The following ABLIM2 variants were observed in gnomAD, a reference collection of about 807,000 sequenced individuals.
The protein encoded by ABLIM2 is actin-binding LIM protein 2.
ABLIM2 carries 53 observed loss-of-function variants against 97.7 expected under a neutral mutation model. The observed-to-expected ratio is 0.54, with a 90% CI of 0.44 to 0.68. ABLIM2 has a LOEUF of 0.68. Ranked by LOEUF, ABLIM2 falls within the 30% of genes least tolerant of loss-of-function variation. The probability of loss-of-function intolerance (pLI) is 0.00; values close to 1 mark genes in which losing one functional copy is unlikely to be tolerated. For synonymous variants in ABLIM2, 361 were observed against 345.8 expected, an observed-to-expected ratio of 1.04 and a Z score of -0.49; for missense variants, 835 against 867.2, an observed-to-expected ratio of 0.96 and a Z score of 0.47.
chr4:8,035,044 TGGGTG>T (rs1016571351), intron 10 of ABLIM2, among the ~76,000 whole-genome samples: 4 of 107,762 alleles, frequency 3.7e-5, no homozygotes, highest in African/African-American at 1.4e-4. Flanking sequence ...AGGTGGGTGA[TGGGTG>T]GTAGGTAGGT....
At position 8,015,211 on chromosome 4, in the gene ABLIM2, G is replaced by A. The variant is rs552763204; in HGVS notation, c.1423+4407C>T. On this transcript the variant is annotated intron_variant, in intron 14 of 20. Transcript: ENST00000447017. The surrounding 1 kb of genome is among the most constrained non-coding windows in gnomAD (Gnocchi z 4.6). ...GCTGGGATTACAGGTGTGAGCCACC[G>A]TGCCCGGCTTGTCTTCCACCTTTCT... Among the ~76,000 whole-genome samples, 14 of 152,194 alleles carry A rather than the reference G, an allele frequency of 9.2e-5. No individual in the cohort carries two copies. The highest frequency in any genetic ancestry group is 2.2e-4 in the African/African-American group (9 of 41,532).
chr4:8,066,149 AC>A (rs1580323036), intron 6 of ABLIM2, among the ~76,000 whole-genome samples: 2 of 148,982 alleles, frequency 1.3e-5, no homozygotes, highest in African/African-American at 5.0e-5. Flanking sequence ...AAAAAAAATT[AC>A]AAAAAATTAG....
chr4:8,134,312 TGGTGCTGCGTCTCCCTGTTGGGA>T (rs1211961971), intron 1 of ABLIM2, among the ~76,000 whole-genome samples: 1 of 152,108 alleles, frequency 6.6e-6, no homozygotes, highest in Non-Finnish European at 1.5e-5. Flanking sequence ...TCGGAGGGGA[TGGTGCTGCGTCTCCCTGTTGGGA>T]GGTGCCGCTC....
At chr4:8,055,576 G>C (rs1029177626) in intron 7 of ABLIM2, among the ~76,000 whole-genome samples, 3 of 152,234 alleles carry the variant, frequency 2.0e-5, no homozygotes, top group African/African-American at 7.2e-5. Flanking sequence ...TGGCTGACTT[G>C]TGTATCCCAC....
At chr4:8,089,148 T>TGCCTGGAGC (rs1825682554) in intron 3 of ABLIM2, among the ~76,000 whole-genome samples, 1 of 152,004 alleles carries the variant, frequency 6.6e-6, no homozygotes, top group African/African-American at 2.4e-5. Context: ...GTGCCTGGAG[T>TGCCTGGAGC]GAGGCCAGGT....
At chr4:8,106,930 C>T (rs1837741555) in intron 1 of ABLIM2, among the ~76,000 whole-genome samples, 1 of 152,226 alleles carries the variant, frequency 6.6e-6, no homozygotes, top group Non-Finnish European at 1.5e-5. Context: ...TTCTCATCCA[C>T]ATGCACAACT....
At chr4:8,139,242 G>A (rs975596056) in intron 1 of ABLIM2, among the ~76,000 whole-genome samples, 1 of 149,804 alleles carries the variant, frequency 6.7e-6, no homozygotes, top group Non-Finnish European at 1.5e-5. Flanking sequence ...GGAAGGGAGG[G>A]GAGGGGAGGG....
At chr4:8,012,144 C>A (rs1193572936) in intron 14 of ABLIM2, among the ~76,000 whole-genome samples, 1 of 150,460 alleles carries the variant, frequency 6.6e-6, no homozygotes, top group East Asian at 2.0e-4. Context: ...CATCCATCCA[C>A]CCACCCACTC....
At chr4:8,094,144 A>G (rs1358210604) in intron 3 of ABLIM2, among the ~76,000 whole-genome samples, 3 of 152,212 alleles carry the variant, frequency 2.0e-5, no homozygotes, top group Non-Finnish European at 2.9e-5. Context: ...CGGCCATTGT[A>G]TTTTTCATTT....
chr4:8,077,516 G>T, intron 6 of ABLIM2, 112 bp downstream of exon 6: 2 of 1,077,614 alleles, frequency 1.9e-6, no homozygotes, highest in Non-Finnish European at 2.7e-6. Flanking sequence ...GGGAGGTGAA[G>T]CTGCAGCCAG....
Position 7,975,411 on chromosome 4 carries a change from T to C in ABLIM2, c.1824+7853A>G, listed in dbSNP as rs546902902. Among the ~76,000 whole-genome samples the C allele has an allele frequency of 2.0e-5, 3 of 152,288 alleles. No individual in the cohort carries two copies. In the East Asian group the frequency reaches 5.8e-4, roughly 29 times the overall value. On this transcript the variant is annotated intron_variant, in intron 20 of 20. Coordinates refer to ENST00000447017, the MANE Select transcript of ABLIM2 (RefSeq NM_001130083.2). ...ACAGCCCTCCCAGAGTGGAAGAGGA[T>C]GATCACAGCTTCTCCACACTCCTGC... is the stretch of plus-strand genomic sequence containing the variant.
chr4:8,057,839 T>C (rs1043578423), intron 7 of ABLIM2, among the ~76,000 whole-genome samples: 3 of 152,150 alleles, frequency 2.0e-5, no homozygotes, highest in East Asian at 1.9e-4. Context: ...GCCAGCCAAA[T>C]AACATCTGCA....
At position 7,984,876 on chromosome 4, in the gene ABLIM2, G is replaced by A. The variant is rs1214571957; in HGVS notation, c.1698C>T (p.Pro566=). 6.2e-7 allele frequency: 1 copy of A among 1,608,762 alleles called. No homozygotes were observed. The highest frequency in any genetic ancestry group is 8.5e-7 in the Non-Finnish European group (1 of 1,177,852). Residue 566 remains proline, a synonymous_variant, in exon 18 of 21, where the codon CCC becomes CCT. Coordinates refer to ENST00000447017, the MANE Select transcript of ABLIM2 (RefSeq NM_001130083.2). ...GLDQRNANLA[P]CGADPDASWG... Reference sequence around the variant, plus strand: ...AGCTGGCATCCGGGTCTGCTCCACAGGGGGCCAGATTGGCATTCTGGAAGA... The same window carrying A: ...AGCTGGCATCCGGGTCTGCTCCACAAGGGGCCAGATTGGCATTCTGGAAGA...
At chr4:8,151,379 C>T (rs544085162) in intron 1 of ABLIM2, among the ~76,000 whole-genome samples, 1 of 152,300 alleles carries the variant, frequency 6.6e-6, no homozygotes, top group South Asian at 2.1e-4. Context: ...AATCCAAAGC[C>T]CCCTCCTCCG....
chr4:8,028,079 C>T (rs1384758712), intron 11 of ABLIM2, among the ~76,000 whole-genome samples: 2 of 152,270 alleles, frequency 1.3e-5, no homozygotes, highest in Non-Finnish European at 2.9e-5. Context: ...CAGGGTGCTG[C>T]ATAGGAGCCT....
rs1421433626 is a variant in ABLIM2 at position 8,130,587 on chromosome 4, A to G, written c.11-23950T>C. The stretch of plus-strand genomic sequence containing the variant: ...GCATTACTGGGACTTGAAGGGAGGC[A>G]GCCTGGCCCGAGTCCAGGGTGTGCT... On this transcript the variant is annotated intron_variant, in intron 1 of 20. Transcript: ENST00000447017. The surrounding 1 kb of genome is among the most constrained non-coding windows in gnomAD (Gnocchi z 4.2). 6.6e-6 allele frequency among the ~76,000 whole-genome samples: 1 copy of G among 152,058 alleles called. No homozygotes were observed. The highest frequency in any genetic ancestry group is 1.5e-5 in the Non-Finnish European group (1 of 68,008).
At chr4:8,089,571 C>A (rs1825908693) in intron 3 of ABLIM2, among the ~76,000 whole-genome samples, 1 of 151,902 alleles carries the variant, frequency 6.6e-6, no homozygotes, top group South Asian at 2.1e-4. Flanking sequence ...CTGGTCTCTA[C>A]TAAAAACACA....
rs535212463 is a variant in ABLIM2 at position 8,029,260 on chromosome 4, C to T, written c.1168+396G>A. ...CTTTGCTTTCCCAGCTCACATCTTC[C>T]GAGACCCACATGAGCTTGCAGCCGG... On this transcript the variant is annotated intron_variant, in intron 11 of 20. Transcript: ENST00000447017. Among the ~76,000 whole-genome samples, 9 of 152,298 alleles carry T rather than the reference C, an allele frequency of 5.9e-5. No homozygotes were observed. In the South Asian group the frequency reaches 8.3e-4, roughly 14 times the overall value.
intron 1 of ABLIM2, among the ~76,000 whole-genome samples, chr4:8,109,354 C>T (rs1839169032): frequency 6.6e-6 from 1 of 152,240 alleles, no homozygotes; most frequent in Non-Finnish European, 1.5e-5. Context: ...CATTTGAGGG[C>T]TAAGCGTATT....
Sources: allele counts gnomAD v4.1 joint callset (sites outside exome capture counted in the v4.1 genomes callset), GRCh38; gene constraint gnomAD v4.1.1; non-coding constraint Gnocchi (gnomAD v3.1); transcripts MANE v1.5; gene names NCBI Gene and HGNC (gene_info 2026-07-23, HGNC 2026-07-21).